DYNC1H1: variants seen among roughly 807,000 people sequenced by gnomAD.
DYNC1H1 encodes dynein cytoplasmic 1 heavy chain 1.
In DYNC1H1, 51 loss-of-function variants were observed where a neutral mutation model predicts 527.1. The observed-to-expected ratio is 0.10, with a 90% CI of 0.08 to 0.12. The LOEUF (loss-of-function observed/expected upper bound fraction) is 0.12, where lower values mean the gene tolerates loss of function less well. DYNC1H1 is among the 10% of genes least tolerant of loss of function. The pLI is 1.00. For missense variants in DYNC1H1, 2,771 were observed against 5,971.8 expected, an observed-to-expected ratio of 0.46 and a Z score of 17.66; for synonymous variants, 2,189 against 2,278.8, an observed-to-expected ratio of 0.96 and a Z score of 1.12.
rs79736459 is a variant in DYNC1H1, at chr14:101,973,751, G to C, written c.257-1961G>C. On this transcript the variant is annotated intron_variant, in intron 1 of 77. Transcript: ENST00000360184. ...CCCAGAAGATCAAGACTACAGTGAG[G>C]TGTGATGAAGCCACTGCGTTCCAGC... Among the ~76,000 whole-genome samples the C allele has an allele frequency of 5.5e-3, 835 of 152,256 alleles. 17 individuals carry two copies. Among genetic ancestry groups the C allele is most frequent in the East Asian group, 0.037 (190 of 5,174 alleles).
rs747037096 is a variant in DYNC1H1 at position 102,011,856 on chromosome 14, G to A, written c.6619-19G>A. 1.9e-6 allele frequency: 3 copies of A among 1,613,190 alleles called. No individual in the cohort carries two copies. The highest frequency in any genetic ancestry group is 3.3e-5 in the Admixed American group (2 of 60,024). ...CCTCCTCTGGGATGGTCACTGTGCT[G>A]GTCTGTTGGGCCCTGCAGGTTCTCC... On this transcript the variant is annotated intron_variant, in intron 32 of 77. Coordinates refer to ENST00000360184, the MANE Select transcript of DYNC1H1 (RefSeq NM_001376.5). This position sits in a 1 kb window ranked among gnomAD's most constrained non-coding sequence, Gnocchi z 5.3.
intron 2 of DYNC1H1, among the ~76,000 whole-genome samples, chr14:101,976,906 TTG>T (rs1284733315): frequency 3.9e-5 from 6 of 152,170 alleles, no homozygotes; most frequent in Non-Finnish European, 5.9e-5. Flanking sequence ...ATTGTTTATG[TTG>T]TGTTAGGGAT....
rs995585686 is a variant in DYNC1H1 at position 102,019,949 on chromosome 14, T to C, written c.8400T>C (p.Thr2800=). The stretch of plus-strand genomic sequence containing the variant: ...ATATCTATTCACCCCGTGAAATGAC[T>C]AGGTGGGTGAGAGGCATCTTTGAAG... ...PHYIYSPREM[T]RWVRGIFEAL... The change falls in exon 42 of 78, where the codon ACT becomes ACC. Residue 2800 remains threonine, a synonymous_variant. Transcript: ENST00000360184. 1 of 1,614,168 alleles carries C rather than the reference T, an allele frequency of 6.2e-7. No individual in the cohort carries two copies. The highest frequency in any genetic ancestry group is 1.3e-5 in the African/African-American group (1 of 75,044).
chr14:102,034,227 G>A (rs778768465), intron 55 of DYNC1H1, 39 bp downstream of exon 55: 2 of 1,614,240 alleles, frequency 1.2e-6, no homozygotes, highest in Admixed American at 1.7e-5. Flanking sequence ...TGTGCGAGCA[G>A]TGTGAGGCAA....
intron 52 of DYNC1H1, chr14:102,032,673 G>A (rs905885051): frequency 1.9e-5 from 13 of 669,254 alleles, no homozygotes; most frequent in Non-Finnish European, 2.8e-5. Flanking sequence ...GCTACATGGC[G>A]ACACCCTGTC....
chr14:101,990,206 C>G (rs1288246913), intron 10 of DYNC1H1, among the ~76,000 whole-genome samples: 2 of 152,220 alleles, frequency 1.3e-5, no homozygotes. Flanking sequence ...GTGTAAAGCA[C>G]TGGCAGGTGG....
Position 102,041,850 on chromosome 14 carries a change from C to T in DYNC1H1, c.12102+116C>T, listed in dbSNP as rs2048654804. The T allele has an allele frequency of 6.4e-7, 1 of 1,550,862 alleles. No homozygotes were observed. ...TCCGGGCTACAGTCTCCTCCTAAGA[C>T]CAGGAACTCGCTGCAGATTCTCAAC... is the stretch of plus-strand genomic sequence containing the variant. On this transcript the variant is annotated intron_variant, in intron 65 of 77. Transcript: ENST00000360184. This position sits in a 1 kb window ranked among gnomAD's most constrained non-coding sequence, Gnocchi z 4.5.
intron 23 of DYNC1H1, among the ~76,000 whole-genome samples, chr14:102,004,124 G>A (rs1261975005): frequency 1.3e-5 from 2 of 150,950 alleles, no homozygotes; most frequent in Non-Finnish European, 2.9e-5. Flanking sequence ...GGCGCCTGTA[G>A]TCCCAGCTAC....
chr14:102,045,529 T>C (rs1482888467), intron 72 of DYNC1H1, among the ~76,000 whole-genome samples: 1 of 151,952 alleles, frequency 6.6e-6, no homozygotes, highest in East Asian at 1.9e-4. Flanking sequence ...GAGAATCTCT[T>C]GAACCCGGGA....
Position 102,049,860 on chromosome 14 carries a change from CGCTT to C in DYNC1H1, c.13665_13668del (p.Cys4556AlafsTer7). 1 of 1,613,904 alleles carries C rather than the reference CGCTT, an allele frequency of 6.2e-7. No homozygotes were observed. ...CCACCTCACAGGGCGCCACCCTTGA[CGCTT>C]GCAGCTTCGGAGTCACGGGTGAGTG... On this transcript the variant is annotated frameshift_variant, in exon 76 of 78. Coordinates refer to ENST00000360184, the MANE Select transcript of DYNC1H1 (RefSeq NM_001376.5). LOFTEE classifies it high-confidence loss of function. The surrounding 1 kb of genome is among the most constrained non-coding windows in gnomAD (Gnocchi z 5.5).
At position 101,986,877 on chromosome 14, in the gene DYNC1H1, C is replaced by T. The variant is rs1279335322; in HGVS notation, c.2538+114C>T. On this transcript the variant is annotated intron_variant, in intron 8 of 77. Transcript: ENST00000360184. The surrounding 1 kb of genome is among the most constrained non-coding windows in gnomAD (Gnocchi z 8.7). ...AGGCATGCATGGTTGATGCAGCATA[C>T]GGCCATGTGAGCTGCAAGGGAGGAG... The T allele has an allele frequency of 1.1e-5, 14 of 1,278,304 alleles. No homozygotes were observed. The highest frequency in any genetic ancestry group is 6.8e-5 in the Admixed American group (4 of 59,198). 79.2% of individuals were successfully genotyped at this position (1,278,304 alleles called of 1,614,324 possible).
In DYNC1H1 at chr14:102,048,616, G is replaced by C; in HGVS notation, c.13319G>C (p.Gly4440Ala). ...GCAGATGTCGTCCAGGTGTGCGAAG[G>C]AAAGAAGAAGCAGACCAACTACTTG... is the stretch of plus-strand genomic sequence containing the variant. ...DLADVVQVCE[G>A]KKKQTNYLRT... is the part of the protein sequence containing the mutation. Residue 4440 changes from glycine to alanine, a missense_variant, in exon 74 of 78, where the codon GGA becomes GCA. By Grantham distance (60) the Gly-to-Ala change is moderately conservative. Around this residue, in one of 32 missense-constraint regions of DYNC1H1, gnomAD observed 170 missense variants for 249.8 expected, o/e 0.68. Coordinates refer to ENST00000360184, the MANE Select transcript of DYNC1H1 (RefSeq NM_001376.5). 6.2e-7 allele frequency: 1 copy of C among 1,614,100 alleles called. No individual in the cohort carries two copies. The highest frequency in any genetic ancestry group is 1.1e-5 in the South Asian group (1 of 91,088).
Position 102,051,548 on chromosome 14 carries a change from C to T in DYNC1H1, c.*985C>T, listed in dbSNP as rs1164646420. ...GATGAGGGAGTTGCCCATCGCCGCC[C>T]TAGCAAGTCCATTCCCACACGACCT... is the stretch of plus-strand genomic sequence containing the variant. On this transcript the variant is annotated 3_prime_UTR_variant, in exon 78 of 78. Transcript: ENST00000360184. 1 of 152,328 alleles carries T rather than the reference C, an allele frequency of 6.6e-6. No individual in the cohort carries two copies. Among genetic ancestry groups the T allele is most frequent in the Non-Finnish European group, 1.5e-5 (1 of 68,160 alleles). The allele number at this position is 152,328 out of a possible 1,614,324, so 9.4% of individuals were successfully genotyped here.
chr14:102,033,615 AC>A lies in DYNC1H1; in HGVS notation c.10413+132del. ...TTTAACATCTGTAAGGCCCCGGAGGACTTTTTTCCTGGAAAATAATACACAC... is the reference window on the plus strand; with the variant it reads ...TTTAACATCTGTAAGGCCCCGGAGGATTTTTTCCTGGAAAATAATACACAC... On this transcript the variant is annotated intron_variant, in intron 54 of 77. Coordinates refer to ENST00000360184, the MANE Select transcript of DYNC1H1 (RefSeq NM_001376.5). This position sits in a 1 kb window ranked among gnomAD's most constrained non-coding sequence, Gnocchi z 5.6. 8.3e-7 allele frequency: 1 copy of A among 1,207,028 alleles called. No homozygotes were observed. The highest frequency in any genetic ancestry group is 1.2e-6 in the Non-Finnish European group (1 of 846,664). 74.8% of individuals were successfully genotyped at this position (1,207,028 alleles called of 1,614,324 possible).
At chr14:102,023,367 T>C (rs2048410145) in intron 43 of DYNC1H1, 2 of 276,896 alleles carry the variant, frequency 7.2e-6, no homozygotes, top group East Asian at 9.4e-5. Context: ...CTGACCTACA[T>C]GGAGAAACCC....
rs753097294 is a variant in DYNC1H1 at position 102,041,652 on chromosome 14, T to C, written c.12020T>C (p.Met4007Thr). 1 of 1,614,216 alleles carries C rather than the reference T, an allele frequency of 6.2e-7. No homozygotes were observed. The highest frequency in any genetic ancestry group is 8.5e-7 in the Non-Finnish European group (1 of 1,180,048). The change falls in exon 65 of 78, where the codon ATG becomes ACG. Residue 4007 changes from methionine (M) to threonine (T), a missense_variant. Around this residue, in one of 32 missense-constraint regions of DYNC1H1, gnomAD observed 120 missense variants for 161.9 expected, o/e 0.74. Transcript: ENST00000360184. The surrounding 1 kb of genome is among the most constrained non-coding windows in gnomAD (Gnocchi z 4.5). Reference sequence around the variant, plus strand: ...GATCGCCTGTTGGCCATGGCCCACATGTTTGTTTCAACAAACCTTGGGGAG... The same window carrying C: ...GATCGCCTGTTGGCCATGGCCCACACGTTTGTTTCAACAAACCTTGGGGAG... ...RPDRLLAMAHMFVSTNLGESF... is the reference protein window; with the variant it reads ...RPDRLLAMAHTFVSTNLGESF...
At chr14:101,975,416 G>A (rs1397669729) in intron 1 of DYNC1H1, among the ~76,000 whole-genome samples, 11 of 152,236 alleles carry the variant, frequency 7.2e-5, no homozygotes, top group Admixed American at 5.9e-4. Context: ...GCAGCGGCTA[G>A]CACTGCCCAC....
rs771898765 is a variant in DYNC1H1 at position 102,015,324 on chromosome 14, A to G, written c.7234A>G (p.Met2412Val). The G allele has an allele frequency of 6.2e-7, 1 of 1,612,262 alleles. No individual in the cohort carries two copies. Among genetic ancestry groups the G allele is most frequent in the African/African-American group, 1.3e-5 (1 of 75,040 alleles). Reference sequence around the variant, plus strand: ...TGAGGGGGAGGAGGCCGCTTCCCCCATGCTGCAGGTACGCCCAGGTGGGAC... The same window carrying G: ...TGAGGGGGAGGAGGCCGCTTCCCCCGTGCTGCAGGTACGCCCAGGTGGGAC... ...EDEGEEAASP[M>V]LQIQRDAATI... Residue 2412 changes from methionine to valine, a missense_variant, in exon 35 of 78, where the codon ATG becomes GTG. Physicochemically the swap from Met to Val is conservative, Grantham distance 21. Coordinates refer to ENST00000360184, the MANE Select transcript of DYNC1H1 (RefSeq NM_001376.5). This position sits in a 1 kb window ranked among gnomAD's most constrained non-coding sequence, Gnocchi z 6.9.
At position 102,039,595 on chromosome 14, in the gene DYNC1H1, T is replaced by C. The variant is rs1442909441; in HGVS notation, c.11596-43T>C. The C allele has an allele frequency of 3.1e-6, 5 of 1,614,076 alleles. No individual in the cohort carries two copies. Among genetic ancestry groups the C allele is most frequent in the South Asian group, 1.1e-5 (1 of 91,090 alleles). ...CCCTGGCGGGGGGGAAGCAGGGTGC[T>C]GCTTCTCTTATGGAACAACATCGTC... is the stretch of plus-strand genomic sequence containing the variant. On this transcript the variant is annotated intron_variant, in intron 61 of 77. Coordinates refer to ENST00000360184, the MANE Select transcript of DYNC1H1 (RefSeq NM_001376.5). This position sits in a 1 kb window ranked among gnomAD's most constrained non-coding sequence, Gnocchi z 7.0.
Sources: gnomAD v4.1 joint callset for allele counts (sites outside exome capture counted in the v4.1 genomes callset) on GRCh38, gnomAD v4.1.1 for gene constraint, gnomAD v4.1.1 regional missense constraint, Gnocchi (gnomAD v3.1) non-coding constraint, MANE v1.5 for transcripts, NCBI Gene and HGNC (gene_info 2026-07-23, HGNC 2026-07-21) for gene names.